Variants in ZNF536 observed in about 807,000 individuals in gnomAD.
ZNF536 encodes the protein zinc finger protein 536.
Under a neutral mutation model 84.5 loss-of-function variants are expected in ZNF536, and 13 were observed. The ratio of observed to expected loss-of-function variants is 0.15; its 90% CI spans 0.10 to 0.24. The LOEUF (loss-of-function observed/expected upper bound fraction) is 0.24, where lower values mean the gene tolerates loss of function less well. ZNF536 is among the 10% of genes least tolerant of loss of function. ZNF536 has a pLI of 1.00. For missense variants in ZNF536, 1,536 were observed against 1,747.5 expected (o/e 0.88, Z 2.16); for synonymous variants, 811 against 742.5 (o/e 1.09, Z -1.50).
intron 1 of ZNF536, among the ~76,000 whole-genome samples, chr19:30,250,919 A>C (rs1375621058): frequency 6.6e-6 from 1 of 151,826 alleles, no homozygotes; most frequent in Non-Finnish European, 1.5e-5. Context: ...TTTTTTAAAA[A>C]GTGGTATTAT....
chr19:30,400,387 A>G (rs7248204), intron 1 of ZNF536, among the ~76,000 whole-genome samples: 2,773 of 152,300 alleles, frequency 0.018, 84 homozygotes, highest in African/African-American at 0.061. Context: ...CCTCAGCAGC[A>G]TTTAGTATCG....
intron 1 of ZNF536, among the ~76,000 whole-genome samples, chr19:30,584,804 A>G (rs367854356): frequency 6.6e-6 from 1 of 152,178 alleles, no homozygotes; most frequent in Admixed American, 6.5e-5. Context: ...ACTACTTTAG[A>G]GACAGTCTTG....
chr19:30,411,085 C>T (rs1470653622), intron 1 of ZNF536, among the ~76,000 whole-genome samples: 3 of 152,130 alleles, frequency 2.0e-5, no homozygotes, highest in Admixed American at 6.5e-5. Context: ...TCCATTCTTT[C>T]TCCAATTAAA....
chr19:30,658,734 C>G (rs2050011785), intron 1 of ZNF536, among the ~76,000 whole-genome samples: 1 of 151,920 alleles, frequency 6.6e-6, no homozygotes, highest in African/African-American at 2.4e-5. Context: ...TCTGGTCTGA[C>G]TCTCCCACCG....
intron 1 of ZNF536, among the ~76,000 whole-genome samples, chr19:30,373,740 G>A (rs1227730805): frequency 6.6e-6 from 1 of 152,240 alleles, no homozygotes; most frequent in Non-Finnish European, 1.5e-5. Flanking sequence ...GGGAGCAGCT[G>A]GAGAGAAAGC....
chr19:30,649,913 A>G (rs2049635011), intron 1 of ZNF536, among the ~76,000 whole-genome samples: 1 of 151,844 alleles, frequency 6.6e-6, no homozygotes. Flanking sequence ...TCTTAACTAA[A>G]AAAAAAAACT....
chr19:30,693,675 C>CG (rs1480701892), intron 1 of ZNF536, among the ~76,000 whole-genome samples: 2 of 152,102 alleles, frequency 1.3e-5, no homozygotes, highest in African/African-American at 4.8e-5. Context: ...AGGATGAGGG[C>CG]TGAGCATTGA....
intron 1 of ZNF536, among the ~76,000 whole-genome samples, chr19:30,280,039 G>A (rs74542590): frequency 5.9e-5 from 9 of 152,168 alleles, no homozygotes; most frequent in Non-Finnish European, 1.0e-4. Context: ...TCCACCTCCC[G>A]CAGGAGAGAA....
At position 30,619,567 on chromosome 19, in the gene ZNF536, G is replaced by A. The variant is rs532635438; in HGVS notation, c.169+70053G>A. Among the ~76,000 whole-genome samples, 20 of 152,296 alleles carry A rather than the reference G, an allele frequency of 1.3e-4. No homozygotes were observed. In the South Asian group the frequency reaches 1.7e-3, roughly 13 times the overall value. On this transcript the variant is annotated intron_variant, in intron 1 of 1. Coordinates refer to the ZNF536 transcript ENST00000592773. ...GAAGTAGAAAGAGGAGACTTTTTCA[G>A]GACAGGAGATCCTGCAGGGGCCACA...
chr19:30,619,141 C>T, intron 1 of ZNF536, among the ~76,000 whole-genome samples: 1 of 152,008 alleles, frequency 6.6e-6, no homozygotes, highest in Admixed American at 6.6e-5. Context: ...TTTTCAAATA[C>T]TCTTTTTTTT....
intron 1 of ZNF536, among the ~76,000 whole-genome samples, chr19:30,614,961 T>TTTTTA (rs2048233704): frequency 1.1e-5 from 1 of 87,840 alleles, no homozygotes; most frequent in African/African-American, 4.1e-5. Flanking sequence ...TTTTTTTTTT[T>TTTTTA]TTTGAGGCGG....
intron 1 of ZNF536, among the ~76,000 whole-genome samples, chr19:30,256,567 G>A (rs1469124496): frequency 6.6e-6 from 1 of 152,128 alleles, no homozygotes; most frequent in Admixed American, 6.5e-5. Flanking sequence ...GTCCTGCTTG[G>A]GCGGTGACAC....
chr19:30,605,183 C>T (rs535840425), intron 1 of ZNF536, among the ~76,000 whole-genome samples: 1 of 152,160 alleles, frequency 6.6e-6, no homozygotes, highest in African/African-American at 2.4e-5. Context: ...TGTTTGTTTT[C>T]TTTTGTTTTA....
At chr19:30,498,619 C>G (rs574168992) in intron 2 of ZNF536, among the ~76,000 whole-genome samples, 1 of 151,998 alleles carries the variant, frequency 6.6e-6, no homozygotes, top group Non-Finnish European at 1.5e-5. Context: ...AAAAAAGTTT[C>G]AAATAAAAGT....
At chr19:30,478,666 C>G (rs2053951473) in intron 2 of ZNF536, among the ~76,000 whole-genome samples, 1 of 152,210 alleles carries the variant, frequency 6.6e-6, no homozygotes, top group Admixed American at 6.5e-5. Flanking sequence ...AGCAGGCACT[C>G]AGTAAATGCT....
intron 1 of ZNF536, among the ~76,000 whole-genome samples, chr19:30,565,167 C>CTTTT (rs75043710): frequency 5.6e-5 from 8 of 142,436 alleles, no homozygotes; most frequent in Admixed American, 1.4e-4. Context: ...GACCCCTTTC[C>CTTTT]TTTTTTTTTT....
At chr19:30,525,956 C>T (rs531944171) in intron 2 of ZNF536, among the ~76,000 whole-genome samples, 136 of 152,296 alleles carry the variant, frequency 8.9e-4, no homozygotes, top group African/African-American at 3.2e-3. Flanking sequence ...GTAGCTGGTC[C>T]CTGCCCTGCC....
chr19:30,572,385 A>G (rs922865376), intron 1 of ZNF536, among the ~76,000 whole-genome samples: 1 of 152,144 alleles, frequency 6.6e-6, no homozygotes, highest in Non-Finnish European at 1.5e-5. Context: ...GCTGTGGGAT[A>G]TGGAGAGAGG....
At chr19:30,383,669 TTTCTTC>T (rs1223059655) in intron 1 of ZNF536, among the ~76,000 whole-genome samples, 3 of 11,964 alleles carry the variant, frequency 2.5e-4, no homozygotes, top group Admixed American at 9.8e-4. Flanking sequence ...TTTCTCTTTC[TTTCTTC>T]CTTTCTTCCT....
Sources: allele counts gnomAD v4.1 joint callset (sites outside exome capture counted in the v4.1 genomes callset), GRCh38; gene constraint gnomAD v4.1.1; transcripts MANE v1.5; gene names NCBI Gene and HGNC (gene_info 2026-07-23, HGNC 2026-07-21).